Variants in IFIT5 observed in about 807,000 individuals in gnomAD.
The protein encoded by IFIT5 is interferon induced protein with tetratricopeptide repeats 5, also known as interferon-induced protein with tetratricopeptide repeats 5.
IFIT5 carries 2 observed loss-of-function variants against 5.0 expected under a neutral mutation model. The ratio of observed to expected loss-of-function variants is 0.40; its 90% confidence interval spans 0.16 to 1.26. The LOEUF is 1.26. Ranked by LOEUF, IFIT5 falls within the 50% of genes most tolerant of loss-of-function variation. The pLI is 0.33. For missense variants in IFIT5, 524 were observed against 563.2 expected, an observed-to-expected ratio of 0.93 and a Z score of 0.70; for synonymous variants, 206 against 204.6, an observed-to-expected ratio of 1.01 and a Z score of -0.06.
rs1368389159 is a variant in IFIT5, at chr10:89,418,931, T to G, written c.*283T>G. 8.3e-6 allele frequency: 2 copies of G among 239,984 alleles called. No homozygotes were observed. The highest frequency in any genetic ancestry group is 4.5e-5 in the African/African-American group (2 of 44,260). 14.9% of individuals were successfully genotyped at this position (239,984 alleles called of 1,614,324 possible). On this transcript the variant is annotated 3_prime_UTR_variant, in exon 2 of 2. Coordinates refer to ENST00000371795, the MANE Select transcript of IFIT5 (RefSeq NM_012420.3). ...AATGGTATGGCCATTAGATCTGTGC[T>G]TTTTATCTCTGCTCTTTGAATTTCT...
Position 89,419,229 on chromosome 10 carries a change from G to A in IFIT5, c.*581G>A, listed in dbSNP as rs1841575675. The A allele has an allele frequency of 6.6e-6, 1 of 152,056 alleles. No individual in the cohort carries two copies. Among genetic ancestry groups the A allele is most frequent in the South Asian group, 2.1e-4 (1 of 4,830 alleles). The allele number at this position is 152,056 out of a possible 1,614,324, so 9.4% of individuals were successfully genotyped here. A position where few individuals can be genotyped will look rare whatever the true frequency, so the allele number is the denominator to read the frequency against. ...CTTCAATAAAGAAAAAACTAGAAGA[G>A]GAGAAAAAGGATTTCCTCAAATTTT... On this transcript the variant is annotated 3_prime_UTR_variant, in exon 2 of 2. Transcript: ENST00000371795.
rs528816019 is a variant in IFIT5, at chr10:89,420,206, A to T, written c.*1558A>T. ...CAGTGTATCTCACGTATTAATTTTT[A>T]AAAATCTTTTGTTTTACTTAATTCT... On this transcript the variant is annotated 3_prime_UTR_variant, in exon 2 of 2. Coordinates refer to ENST00000371795, the MANE Select transcript of IFIT5 (RefSeq NM_012420.3). The T allele has an allele frequency of 3.3e-5, 5 of 152,266 alleles. No homozygotes were observed. In the East Asian group the frequency reaches 7.7e-4, roughly 23 times the overall value. 9.4% of individuals were successfully genotyped at this position (152,266 alleles called of 1,614,324 possible). A position where few individuals can be genotyped will look rare whatever the true frequency, so the allele number is the denominator to read the frequency against.
Position 89,420,440 on chromosome 10 carries a change from T to A in IFIT5, c.*1792T>A, listed in dbSNP as rs1841587013. 1 of 152,168 alleles carries A rather than the reference T, an allele frequency of 6.6e-6. No homozygotes were observed. Among genetic ancestry groups the A allele is most frequent in the Non-Finnish European group, 1.5e-5 (1 of 68,036 alleles). 9.4% of individuals were successfully genotyped at this position (152,168 alleles called of 1,614,324 possible). A position where few individuals can be genotyped will look rare whatever the true frequency, so the allele number is the denominator to read the frequency against. Reference sequence around the variant, plus strand: ...TAACTTCTATCACTTGCCACATAATTAAAAGAACTCACATTAAGCGGTTAC... The same window carrying A: ...TAACTTCTATCACTTGCCACATAATAAAAAGAACTCACATTAAGCGGTTAC... On this transcript the variant is annotated 3_prime_UTR_variant, in exon 2 of 2. Coordinates refer to ENST00000371795, the MANE Select transcript of IFIT5 (RefSeq NM_012420.3).
At chr10:89,415,851 A>C (rs1453967753) in intron 1 of IFIT5, among the ~76,000 whole-genome samples, 1 of 152,240 alleles carries the variant, frequency 6.6e-6, no homozygotes, top group East Asian at 1.9e-4. Context: ...ACTGCTTAGC[A>C]CATAATACTT....
intron 1 of IFIT5, 125 bp downstream of exon 1, chr10:89,414,928 C>A: frequency 7.8e-7 from 1 of 1,278,308 alleles, no homozygotes; most frequent in Non-Finnish European, 1.1e-6. Flanking sequence ...TCGCGCCCAG[C>A]AACCGGGCAT....
Position 89,414,642 on chromosome 10 carries a change from A to G in IFIT5, c.-157A>G. 1.4e-6 allele frequency: 1 copy of G among 708,492 alleles called. No individual in the cohort carries two copies. Among genetic ancestry groups the G allele is most frequent in the Non-Finnish European group, 2.1e-6 (1 of 468,828 alleles). The allele number at this position is 708,492 out of a possible 1,614,324, so 43.9% of individuals were successfully genotyped here. On this transcript the variant is annotated 5_prime_UTR_variant, in exon 1 of 2. Transcript: ENST00000371795. ...CTGGGGCTGGGGTCTCTCCTTTAAC[A>G]AAGACACGCCGCGCGGCCGAGTCCA...
At position 89,417,607 on chromosome 10, in the gene IFIT5, G is replaced by T; in HGVS notation, c.408G>T (p.Glu136Asp). The T allele has an allele frequency of 6.2e-7, 1 of 1,614,230 alleles. No individual in the cohort carries two copies. The highest frequency in any genetic ancestry group is 8.5e-7 in the Non-Finnish European group (1 of 1,180,020). Residue 136 changes from glutamate to aspartate, a missense_variant, in exon 2 of 2, where the codon GAG becomes GAT. Glu to Asp is a conservative substitution (Grantham distance 45). Coordinates refer to ENST00000371795, the MANE Select transcript of IFIT5 (RefSeq NM_012420.3). ...CCAGTCCTTCTAACTACAAGTTGGA[G>T]TGTCCTGAGACTGACTGTGAGAAAG... ...KLSSPSNYKL[E>D]CPETDCEKGW...
intron 1 of IFIT5, 69 bp from the exon 2 acceptor site, chr10:89,417,136 A>G: frequency 7.7e-7 from 1 of 1,306,458 alleles, no homozygotes; most frequent in Non-Finnish European, 1.0e-6. Context: ...TGCAAAGAAC[A>G]ATATTTAAGG....
chr10:89,415,676 G>C (rs76089064), intron 1 of IFIT5, among the ~76,000 whole-genome samples: 3,907 of 152,238 alleles, frequency 0.026, 115 homozygotes, highest in African/African-American at 0.072. Flanking sequence ...AAGGTCTTGG[G>C]CTCTAAAAGC....
Position 89,418,659 on chromosome 10 carries a change from T to C in IFIT5, c.*11T>C. On this transcript the variant is annotated 3_prime_UTR_variant, in exon 2 of 2. Coordinates refer to ENST00000371795, the MANE Select transcript of IFIT5 (RefSeq NM_012420.3). Reference sequence around the variant, plus strand: ...CGACTTTCCATTTAAATACATACTCTAGGAAATTAGCTCTAAGTTTTTCCC... The same window carrying C: ...CGACTTTCCATTTAAATACATACTCCAGGAAATTAGCTCTAAGTTTTTCCC... 1 of 1,581,904 alleles carries C rather than the reference T, an allele frequency of 6.3e-7. No individual in the cohort carries two copies. Among genetic ancestry groups the C allele is most frequent in the Non-Finnish European group, 8.6e-7 (1 of 1,165,808 alleles).
rs1219445831 is a variant in IFIT5, at chr10:89,419,976, C to T, written c.*1328C>T. On this transcript the variant is annotated 3_prime_UTR_variant, in exon 2 of 2. Coordinates refer to ENST00000371795, the MANE Select transcript of IFIT5 (RefSeq NM_012420.3). The stretch of plus-strand genomic sequence containing the variant: ...TTGTTTTTTATCATCTTTAAAATTT[C>T]TATTATGGTTTGATTATTATAAAAA... The T allele has an allele frequency of 1.3e-5, 2 of 151,456 alleles. No individual in the cohort carries two copies. Among genetic ancestry groups the T allele is most frequent in the Non-Finnish European group, 2.9e-5 (2 of 67,902 alleles). 9.4% of individuals were successfully genotyped at this position (151,456 alleles called of 1,614,324 possible).
At chr10:89,414,887 AGTTCTGC>A (rs1841515998) in intron 1 of IFIT5, 84 bp downstream of exon 1, 1 of 1,532,370 alleles carries the variant, frequency 6.5e-7, no homozygotes, top group Admixed American at 2.0e-5. Context: ...TTTCCAGCGC[AGTTCTGC>A]GGCCTTTTCA....
chr10:89,418,553 A>C lies in IFIT5; in HGVS notation c.1354A>C (p.Arg452=). Residue 452 remains arginine, a synonymous_variant, in exon 2 of 2, where the codon AGG becomes CGG. Transcript: ENST00000371795. ...TGTTTACAAGCTGGAAGGAGAAAAG[A>C]GGCAAGCTGCTGAGTACTATGAGAA... ...GFVYKLEGEK[R]QAAEYYEKAQ... is the part of the protein sequence containing the mutation. 2 of 1,614,192 alleles carry C rather than the reference A, an allele frequency of 1.2e-6. No homozygotes were observed. Among genetic ancestry groups the C allele is most frequent in the Non-Finnish European group, 1.7e-6 (2 of 1,180,016 alleles).
Position 89,420,212 on chromosome 10 carries a change from CTTTTG to C in IFIT5, c.*1569_*1573del. On this transcript the variant is annotated 3_prime_UTR_variant, in exon 2 of 2. Transcript: ENST00000371795. ...ATCTCACGTATTAATTTTTAAAAAT[CTTTTG>C]TTTTACTTAATTCTGTTTTTATTAT... is the stretch of plus-strand genomic sequence containing the variant. 1 of 152,118 alleles carries C rather than the reference CTTTTG, an allele frequency of 6.6e-6. No homozygotes were observed. Among genetic ancestry groups the C allele is most frequent in the South Asian group, 2.1e-4 (1 of 4,808 alleles). 9.4% of individuals were successfully genotyped at this position (152,118 alleles called of 1,614,324 possible). A position where few individuals can be genotyped will look rare whatever the true frequency, so the allele number is the denominator to read the frequency against.
Position 89,414,818 on chromosome 10 carries a change from T to G in IFIT5, c.5+15T>G. ...GCCATCATGAGGTAAGGGTTTTCCT[T>G]TGCCTCTCCTCCCAAGCCCTGCGTC... On this transcript the variant is annotated intron_variant, in intron 1 of 1. Coordinates refer to ENST00000371795, the MANE Select transcript of IFIT5 (RefSeq NM_012420.3). The G allele has an allele frequency of 2.5e-6, 4 of 1,609,392 alleles. No homozygotes were observed. The highest frequency in any genetic ancestry group is 3.4e-6 in the Non-Finnish European group (4 of 1,178,172).
At chr10:89,416,582 C>G (rs1440696537) in intron 1 of IFIT5, among the ~76,000 whole-genome samples, 1 of 152,248 alleles carries the variant, frequency 6.6e-6, no homozygotes, top group Non-Finnish European at 1.5e-5. Context: ...CCTGGACAAA[C>G]CACGTCAGTA....
rs1841527570 is a variant in IFIT5 at position 89,415,577 on chromosome 10, T to C, written c.5+774T>C. 2.0e-5 allele frequency among the ~76,000 whole-genome samples: 3 copies of C among 152,332 alleles called. No homozygotes were observed. In the South Asian group the frequency reaches 6.2e-4, roughly 32 times the overall value. ...ATTTAGTATGATGGCGTCCTTTTCT[T>C]GATCATTTTGTATCCCCAGGGGCTA... On this transcript the variant is annotated intron_variant, in intron 1 of 1. Coordinates refer to ENST00000371795, the MANE Select transcript of IFIT5 (RefSeq NM_012420.3).
At position 89,417,993 on chromosome 10, in the gene IFIT5, G is replaced by T. The variant is rs1354077792; in HGVS notation, c.794G>T (p.Trp265Leu). ...AAKFYRRKNS[W>L]NKALELLKKA... ...AAGTTCTATAGGAGAAAAAATTCCT[G>T]GAACAAAGCTCTCGAACTTTTAAAA... The change falls in exon 2 of 2, where the codon TGG (tryptophan) becomes TTG (leucine). Residue 265 changes from tryptophan (W) to leucine (L), a missense_variant. Physicochemically the swap from Trp to Leu is moderately conservative, Grantham distance 61 (BLOSUM62 -2). Coordinates refer to ENST00000371795, the MANE Select transcript of IFIT5 (RefSeq NM_012420.3). 1 of 1,613,994 alleles carries T rather than the reference G, an allele frequency of 6.2e-7. No homozygotes were observed. The highest frequency in any genetic ancestry group is 8.5e-7 in the Non-Finnish European group (1 of 1,180,024).
In IFIT5 at chr10:89,417,566, G is replaced by T. The variant is rs1589648570; in HGVS notation, c.367G>T (p.Val123Phe). ...AQKYTGKIGN[V>F]CKKLSSPSNY... ...GAAGTATACAGGTAAGATAGGGAATGTCTGTAAGAAATTGTCCAGTCCTTC... is the reference window on the plus strand; with the variant it reads ...GAAGTATACAGGTAAGATAGGGAATTTCTGTAAGAAATTGTCCAGTCCTTC... Residue 123 changes from valine (V) to phenylalanine (F), a missense_variant, in exon 2 of 2, where the codon GTC becomes TTC. Transcript: ENST00000371795. The T allele has an allele frequency of 1.2e-6, 2 of 1,614,100 alleles. No homozygotes were observed. Among genetic ancestry groups the T allele is most frequent in the African/African-American group, 2.7e-5 (2 of 74,940 alleles).
Sources: gnomAD v4.1 joint callset for allele counts (sites outside exome capture counted in the v4.1 genomes callset) on GRCh38, gnomAD v4.1.1 for gene constraint, MANE v1.5 for transcripts, NCBI Gene and HGNC (gene_info 2026-07-23, HGNC 2026-07-21) for gene names.